RIMS1: variants seen among roughly 807,000 people sequenced by gnomAD.
RIMS1 encodes the protein regulating synaptic membrane exocytosis 1, also known as regulating synaptic membrane exocytosis protein 1.
RIMS1 carries 83 observed loss-of-function variants against 214.1 expected under a neutral mutation model. The observed-to-expected ratio is 0.39, with a 90% CI of 0.32 to 0.47. RIMS1 has a LOEUF of 0.47. Ranked by LOEUF, RIMS1 falls within the 20% of genes least tolerant of loss-of-function variation. The probability of loss-of-function intolerance (pLI) is 0.99; values close to 1 mark genes in which losing one functional copy is unlikely to be tolerated. For synonymous variants in RIMS1, 793 were observed against 786.8 expected, an observed-to-expected ratio of 1.01 and a Z score of -0.13; for missense variants, 2,050 against 2,161.8, an observed-to-expected ratio of 0.95 and a Z score of 1.03.
chr6:72,040,917 A>G (rs1483153389), intron 2 of RIMS1, among the ~76,000 whole-genome samples: 1 of 151,896 alleles, frequency 6.6e-6, no homozygotes, highest in Non-Finnish European at 1.5e-5. Context: ...GTGTGTCCCT[A>G]CAACCCTACA....
chr6:72,260,945 T>A (rs1194832807), intron 19 of RIMS1, 178 bp downstream of exon 19: 2 of 1,421,856 alleles, frequency 1.4e-6, no homozygotes, highest in African/African-American at 2.9e-5. Flanking sequence ...ATATTTCAGT[T>A]CCGATTCAGG....
intron 24 of RIMS1, among the ~76,000 whole-genome samples, chr6:72,289,492 G>A (rs887902984): frequency 1.3e-5 from 2 of 152,194 alleles, no homozygotes; most frequent in South Asian, 2.1e-4. Context: ...GAATTATGAC[G>A]TGATAAAGCA....
At chr6:72,141,613 A>C (rs2153882621) in intron 4 of RIMS1, among the ~76,000 whole-genome samples, 1 of 152,102 alleles carries the variant, frequency 6.6e-6, no homozygotes, top group African/African-American at 2.4e-5. Flanking sequence ...GTCCTAATTA[A>C]TTTTCCTTAC....
intron 2 of RIMS1, among the ~76,000 whole-genome samples, chr6:72,051,872 TCAA>T (rs1249183836): frequency 3.9e-5 from 6 of 152,158 alleles, no homozygotes; most frequent in Admixed American, 3.9e-4. Context: ...TGTTTTTTTT[TCAA>T]TTTAGTACAC....
chr6:72,398,897 T>TA (rs1363141545), intron 32 of RIMS1, 58 bp from the exon 33 acceptor site: 16 of 1,116,630 alleles, frequency 1.4e-5, no homozygotes, highest in Non-Finnish European at 2.1e-5. Context: ...ATTCTCTAAT[T>TA]AAAAAAATAG....
At chr6:72,178,410 T>C (rs2047999989) in intron 4 of RIMS1, among the ~76,000 whole-genome samples, 1 of 152,250 alleles carries the variant, frequency 6.6e-6, no homozygotes, top group African/African-American at 2.4e-5. Context: ...TACTAAACAA[T>C]GCTTCTTTTA....
intron 4 of RIMS1, among the ~76,000 whole-genome samples, chr6:72,179,271 C>T (rs1313276652): frequency 6.6e-6 from 1 of 151,938 alleles, no homozygotes; most frequent in Admixed American, 6.6e-5. Context: ...TGCTAACACT[C>T]CAGAGTCAAT....
At chr6:72,241,519 A>T (rs2066919607) in intron 9 of RIMS1, among the ~76,000 whole-genome samples, 1 of 152,094 alleles carries the variant, frequency 6.6e-6, no homozygotes, top group Non-Finnish European at 1.5e-5. Flanking sequence ...GTTAGCCTGT[A>T]TTTTTTTAAT....
At chr6:72,325,869 C>A (rs1022475428) in intron 28 of RIMS1, among the ~76,000 whole-genome samples, 1 of 151,630 alleles carries the variant, frequency 6.6e-6, no homozygotes, top group East Asian at 1.9e-4. Flanking sequence ...CACCAGACAC[C>A]TTTAGGAGGT....
chr6:72,258,365 G>A (rs1206056432), intron 17 of RIMS1, 84 bp downstream of exon 17: 3 of 1,299,516 alleles, frequency 2.3e-6, no homozygotes, highest in Admixed American at 5.2e-5. Context: ...TAACTGAAAT[G>A]AAAAAATAGT....
chr6:72,233,625 C>T (rs1346090751), intron 6 of RIMS1, 148 bp from the exon 7 acceptor site: 1 of 625,154 alleles, frequency 1.6e-6, no homozygotes, highest in Non-Finnish European at 2.9e-6. Context: ...AAGTCACAAC[C>T]TTTGCAACAC....
At chr6:72,262,422 C>T in intron 19 of RIMS1, 2 of 984,234 alleles carry the variant, frequency 2.0e-6, no homozygotes, top group Non-Finnish European at 2.4e-6. Context: ...AGATAACATC[C>T]TGTGGACAGG....
chr6:71,917,829 C>G (rs557836871), intron 1 of RIMS1, among the ~76,000 whole-genome samples: 1 of 151,996 alleles, frequency 6.6e-6, no homozygotes. Flanking sequence ...AAAAGTGAAG[C>G]GAAAAGATTT....
In RIMS1 at chr6:72,402,169, T is replaced by G. The variant is rs2098839012; in HGVS notation, c.*1455T>G. On this transcript the variant is annotated 3_prime_UTR_variant, in exon 34 of 34. Coordinates refer to ENST00000521978, the MANE Select transcript of RIMS1 (RefSeq NM_014989.7). ...TGCACATTTTGTAAAAAAAAAAAAT[T>G]TTAAAAAGAAAAGAAACAAAAGGTT... 6.6e-6 allele frequency: 1 copy of G among 152,590 alleles called. No homozygotes were observed. Among genetic ancestry groups the G allele is most frequent in the Non-Finnish European group, 1.5e-5 (1 of 68,022 alleles). The allele number at this position is 152,590 out of a possible 1,614,324, so 9.5% of individuals were successfully genotyped here. A position where few individuals can be genotyped will look rare whatever the true frequency, so the allele number is the denominator to read the frequency against.
intron 6 of RIMS1, among the ~76,000 whole-genome samples, chr6:72,199,632 A>T (rs533820842): frequency 1.4e-3 from 210 of 152,240 alleles, no homozygotes; most frequent in African/African-American, 4.8e-3. Context: ...GAATAGTCTT[A>T]TGTAAAATAT....
intron 16 of RIMS1, among the ~76,000 whole-genome samples, chr6:72,253,257 G>A (rs888554804): frequency 6.6e-6 from 1 of 152,138 alleles, no homozygotes; most frequent in Non-Finnish European, 1.5e-5. Flanking sequence ...GCATGGCGGG[G>A]TTTAAAATTG....
At chr6:71,901,196 C>T (rs1171353086) in intron 1 of RIMS1, among the ~76,000 whole-genome samples, 1 of 152,022 alleles carries the variant, frequency 6.6e-6, no homozygotes, top group Non-Finnish European at 1.5e-5. Context: ...CTTGAGAAAA[C>T]TCTGGCAGTT....
Position 72,333,628 on chromosome 6 carries a change from C to T in RIMS1, c.4159C>T (p.Arg1387Trp), listed in dbSNP as rs201017334. Reference sequence around the variant, plus strand: ...ATTTACCCCCAAAATGCAAGGCAGACGGATGGGGACTTCAGGAAGATCCAT... The same window carrying T: ...ATTTACCCCCAAAATGCAAGGCAGATGGATGGGGACTTCAGGAAGATCCAT... ...SSFTPKMQGR[R>W]MGTSGRSIMK... The change falls in exon 29 of 34, where the codon CGG becomes TGG. Residue 1387 changes from arginine to tryptophan, a missense_variant. Physicochemically the swap from Arg to Trp is moderately radical, Grantham distance 101 (BLOSUM62 -3). This residue lies in a region of RIMS1 where 889 missense variants were observed against 885.5 expected (regional missense o/e 1.00). Coordinates refer to ENST00000521978, the MANE Select transcript of RIMS1 (RefSeq NM_014989.7). 4.4e-4 allele frequency: 701 copies of T among 1,594,296 alleles called. No homozygotes were observed. Among genetic ancestry groups the T allele is most frequent in the Non-Finnish European group, 5.3e-4 (619 of 1,169,938 alleles).
chr6:71,975,136 C>T (rs946279913), intron 2 of RIMS1, among the ~76,000 whole-genome samples: 1 of 152,108 alleles, frequency 6.6e-6, no homozygotes, highest in Admixed American at 6.6e-5. Context: ...TGATAAACAT[C>T]ATGTTATTAA....
Sources: allele counts gnomAD v4.1 joint callset (sites outside exome capture counted in the v4.1 genomes callset), GRCh38; gene constraint gnomAD v4.1.1; regional missense constraint gnomAD v4.1.1; transcripts MANE v1.5; gene names NCBI Gene and HGNC (gene_info 2026-07-23, HGNC 2026-07-21).